Variants in DAAM1 observed in about 807,000 individuals in gnomAD.
DAAM1 encodes disheveled-associated activator of morphogenesis 1.
A neutral mutation model predicts 130.0 loss-of-function variants in DAAM1; 52 were observed. That is an observed-to-expected ratio of 0.40 (90% CI 0.32 to 0.50). DAAM1 has a LOEUF of 0.50. Among genes scored for constraint, DAAM1 ranks in the 20% least tolerant of loss-of-function variants. DAAM1 has a pLI of 0.61. For synonymous variants in DAAM1, 452 were observed against 444.5 expected, an observed-to-expected ratio of 1.02 and a Z score of -0.21; for missense variants, 1,134 against 1,303.8, an observed-to-expected ratio of 0.87 and a Z score of 2.01.
intron 1 of DAAM1, among the ~76,000 whole-genome samples, chr14:59,249,008 C>T (rs989903303): frequency 1.2e-4 from 18 of 152,270 alleles, no homozygotes; most frequent in African/African-American, 2.4e-4. Context: ...AGGATGGTCT[C>T]GATCTCCTGA....
At chr14:59,342,218 C>T (rs1480981344) in intron 16 of DAAM1, among the ~76,000 whole-genome samples, 1 of 152,160 alleles carries the variant, frequency 6.6e-6, no homozygotes, top group East Asian at 1.9e-4. Flanking sequence ...TTACAGTGAG[C>T]ACAATTTAAA....
intron 1 of DAAM1, among the ~76,000 whole-genome samples, chr14:59,237,157 G>A (rs1040856476): frequency 6.6e-6 from 1 of 152,222 alleles, no homozygotes; most frequent in African/African-American, 2.4e-5. Flanking sequence ...TGGATTGGAA[G>A]AGTGGTTGTC....
intron 1 of DAAM1, among the ~76,000 whole-genome samples, chr14:59,220,512 C>A (rs142088859): frequency 1.3e-5 from 2 of 152,278 alleles, no homozygotes; most frequent in African/African-American, 4.8e-5. Context: ...ACAATACTTA[C>A]TTTATTAGTC....
intron 1 of DAAM1, among the ~76,000 whole-genome samples, chr14:59,251,403 G>T (rs1256331136): frequency 6.0e-5 from 9 of 150,242 alleles, no homozygotes; most frequent in African/African-American, 2.2e-4. Flanking sequence ...TGGGGCTGAG[G>T]TTCTTCCCTC....
chr14:59,250,763 TA>T (rs1217568876), intron 1 of DAAM1, among the ~76,000 whole-genome samples: 1 of 152,260 alleles, frequency 6.6e-6, no homozygotes, highest in African/African-American at 2.4e-5. Flanking sequence ...TTTCAGTTAA[TA>T]CTTGAAACAA....
intron 23 of DAAM1, among the ~76,000 whole-genome samples, chr14:59,365,469 T>G (rs1886878940): frequency 9.9e-6 from 1 of 101,194 alleles, no homozygotes; most frequent in Non-Finnish European, 2.0e-5. Flanking sequence ...TCTTTTCTAA[T>G]AGAATATTTC....
intron 1 of DAAM1, among the ~76,000 whole-genome samples, chr14:59,261,287 C>T (rs1055824582): frequency 3.3e-5 from 5 of 152,246 alleles, no homozygotes; most frequent in African/African-American, 1.2e-4. Flanking sequence ...TGGCATATTA[C>T]CTTTATTATA....
At chr14:59,310,986 A>C (rs1271500716) in intron 3 of DAAM1, among the ~76,000 whole-genome samples, 2 of 152,168 alleles carry the variant, frequency 1.3e-5, no homozygotes, top group East Asian at 3.8e-4. Flanking sequence ...AAACAAACAA[A>C]AAAACTCTGA....
chr14:59,360,927 TCAG>T, intron 22 of DAAM1, 65 bp downstream of exon 22: 1 of 1,456,936 alleles, frequency 6.9e-7, no homozygotes, highest in South Asian at 1.2e-5. Flanking sequence ...CTGGTGGTTT[TCAG>T]CAGATGGGTT....
chr14:59,195,035 A>G (rs1156582998), intron 1 of DAAM1, among the ~76,000 whole-genome samples: 1 of 152,238 alleles, frequency 6.6e-6, no homozygotes, highest in Non-Finnish European at 1.5e-5. Flanking sequence ...GGGAAACATG[A>G]AAACAAAAGG....
Position 59,326,961 on chromosome 14 carries a change from T to C in DAAM1, c.1342T>C (p.Trp448Arg). Residue 448 changes from tryptophan (W) to arginine (R), a missense_variant, in exon 12 of 25, where the codon TGG (tryptophan) becomes CGG (arginine). Coordinates refer to ENST00000360909, the MANE Select transcript of DAAM1 (RefSeq NM_001270520.2). ...GGTTAATGAAAATGAAGTTAAGCAG[T>C]GGAAAGAACAAGCGGAAAAAATGAG... The part of the protein sequence containing the change: ...MLVNENEVKQ[W>R]KEQAEKMRKE... The C allele has an allele frequency of 1.2e-6, 2 of 1,613,882 alleles. No homozygotes were observed. The highest frequency in any genetic ancestry group is 1.7e-6 in the Non-Finnish European group (2 of 1,179,940).
rs776496165 is a variant in DAAM1 at position 59,363,680 on chromosome 14, A to C, written c.2724A>C (p.Pro908=). 6.2e-7 allele frequency: 1 copy of C among 1,614,118 alleles called. No individual in the cohort carries two copies. The highest frequency in any genetic ancestry group is 1.1e-5 in the South Asian group (1 of 91,078). Residue 908 remains proline, a synonymous_variant, in exon 23 of 25, where the codon CCA becomes CCC. Transcript: ENST00000360909. ...TELEYQKSQP[P]QPGDKFVSVV... is the part of the protein sequence containing the mutation. The stretch of plus-strand genomic sequence containing the variant: ...TGGAATATCAGAAGTCTCAGCCCCC[A>C]CAGCCCGGAGATAAGTTTGTGTCTG...
At chr14:59,339,141 C>T (rs1471846649) in intron 15 of DAAM1, among the ~76,000 whole-genome samples, 1 of 152,192 alleles carries the variant, frequency 6.6e-6, no homozygotes, top group Non-Finnish European at 1.5e-5. Flanking sequence ...TCAGCCCCCT[C>T]ATCAAATGAG....
intron 1 of DAAM1, among the ~76,000 whole-genome samples, chr14:59,260,388 G>A (rs1455568874): frequency 1.3e-5 from 2 of 152,150 alleles, no homozygotes; most frequent in South Asian, 4.1e-4. Context: ...ATTTGTCACA[G>A]AACTAACTGC....
intron 1 of DAAM1, among the ~76,000 whole-genome samples, chr14:59,200,817 A>T (rs1888074241): frequency 6.6e-6 from 1 of 152,144 alleles, no homozygotes; most frequent in South Asian, 2.1e-4. Context: ...ATATTTAGGG[A>T]TGCTGACTCA....
chr14:59,277,697 T>C (rs1194303340), intron 2 of DAAM1, among the ~76,000 whole-genome samples: 1 of 151,970 alleles, frequency 6.6e-6, no homozygotes, highest in Non-Finnish European at 1.5e-5. Context: ...ACTCTATCCA[T>C]AGAGAATAAC....
intron 1 of DAAM1, among the ~76,000 whole-genome samples, chr14:59,228,786 C>G (rs2139440256): frequency 6.6e-6 from 1 of 152,306 alleles, no homozygotes. Context: ...TACCTTTTCC[C>G]TCTGCCTTTC....
intron 1 of DAAM1, among the ~76,000 whole-genome samples, chr14:59,240,765 G>A (rs1039373377): frequency 3.9e-5 from 6 of 152,218 alleles, no homozygotes; most frequent in African/African-American, 1.4e-4. Context: ...TCTTTGTGTT[G>A]TGTGCCATCC....
chr14:59,283,506 C>T (rs1883308126), intron 2 of DAAM1, among the ~76,000 whole-genome samples: 1 of 152,072 alleles, frequency 6.6e-6, no homozygotes, highest in Non-Finnish European at 1.5e-5. Flanking sequence ...GGGAGTAATA[C>T]TGTATGTGTG....
Sources: allele counts gnomAD v4.1 joint callset (sites outside exome capture counted in the v4.1 genomes callset), GRCh38; gene constraint gnomAD v4.1.1; transcripts MANE v1.5; gene names NCBI Gene and HGNC (gene_info 2026-07-23, HGNC 2026-07-21).